The following DHRSX variants were observed in gnomAD, a reference collection of about 807,000 sequenced individuals.
The protein encoded by DHRSX is dehydrogenase/reductase X-linked.
A neutral mutation model predicts 34.0 loss-of-function variants in DHRSX; 31 were observed. The observed-to-expected ratio is 0.91, with a 90% CI of 0.69 to 1.23. The LOEUF is 1.23. Ranked by LOEUF, DHRSX falls within the 50% of genes most tolerant of loss-of-function variation. The probability of loss-of-function intolerance (pLI) is 0.00; values close to 1 mark genes in which losing one functional copy is unlikely to be tolerated. For missense variants in DHRSX, 414 were observed against 428.1 expected (o/e 0.97, Z 0.29); for synonymous variants, 201 against 183.8 (o/e 1.09, Z -0.76).
At chrX:2,452,468 T>A (rs1354970779) in intron 1 of DHRSX, among the ~76,000 whole-genome samples, 10 of 151,904 alleles carry the variant, frequency 6.6e-5, no homozygotes, top group Non-Finnish European at 1.2e-4. Context: ...CTCCGCCATG[T>A]ACACACTGAA....
chrX:2,246,754 G>GAAAGAAAGAAAAA (rs2016306990), intron 5 of DHRSX, among the ~76,000 whole-genome samples: 3 of 136,948 alleles, frequency 2.2e-5, no homozygotes, highest in South Asian at 4.7e-4. Flanking sequence ...GAAAGAAAAA[G>GAAAGAAAGAAAAA]AAAGAAAATA....
chrX:2,331,436 G>GTTTTTT (rs1159991841), intron 3 of DHRSX, among the ~76,000 whole-genome samples: 7,130 of 94,184 alleles, frequency 0.076, 1,052 homozygotes, highest in Non-Finnish European at 0.12. Context: ...AGGTTTTTTG[G>GTTTTTT]TTTTTTTTTT....
intron 1 of DHRSX, among the ~76,000 whole-genome samples, chrX:2,458,727 G>A (rs1456329432): frequency 6.6e-6 from 1 of 152,072 alleles, no homozygotes; most frequent in Non-Finnish European, 1.5e-5. Flanking sequence ...GCCAGGAGCG[G>A]TGGCTCATGT....
intron 4 of DHRSX, among the ~76,000 whole-genome samples, chrX:2,273,972 G>A (rs1318525886): frequency 6.6e-6 from 1 of 152,180 alleles, no homozygotes; most frequent in African/African-American, 2.4e-5. Flanking sequence ...ACGCGCAGGG[G>A]CCCTGGATGC....
At chrX:2,227,356 AG>A (rs1362341013) in intron 6 of DHRSX, among the ~76,000 whole-genome samples, 23 of 150,438 alleles carry the variant, frequency 1.5e-4, no homozygotes, top group African/African-American at 5.7e-4. Context: ...AAAGAAAAAG[AG>A]GAAGAAGAAA....
At chrX:2,346,445 T>C (rs1262923057) in intron 3 of DHRSX, among the ~76,000 whole-genome samples, 2 of 152,114 alleles carry the variant, frequency 1.3e-5, no homozygotes, top group African/African-American at 4.8e-5. Context: ...CACCTGATTT[T>C]CCTGCCCCCA....
intron 3 of DHRSX, among the ~76,000 whole-genome samples, chrX:2,304,729 C>T (rs1486837351): frequency 2.0e-5 from 3 of 151,836 alleles, no homozygotes; most frequent in Non-Finnish European, 4.4e-5. Context: ...CTCTGCTTCC[C>T]GTACAGCCTG....
At chrX:2,223,909 A>G (rs2015576579) in intron 6 of DHRSX, among the ~76,000 whole-genome samples, 1 of 152,134 alleles carries the variant, frequency 6.6e-6, no homozygotes, top group Non-Finnish European at 1.5e-5. Flanking sequence ...TGAATCCAAC[A>G]TGGTGCCCCT....
intron 1 of DHRSX, among the ~76,000 whole-genome samples, chrX:2,496,400 T>C: frequency 6.6e-6 from 1 of 152,208 alleles, no homozygotes; most frequent in East Asian, 1.9e-4. Context: ...GGTTCCACTG[T>C]ATTGCCCAGA....
chrX:2,242,449 G>A (rs1175501847), intron 6 of DHRSX, among the ~76,000 whole-genome samples: 5 of 152,244 alleles, frequency 3.3e-5, no homozygotes, highest in Middle Eastern at 3.4e-3. Context: ...GTGAACCAGC[G>A]TGACTCCATC....
chrX:2,403,700 C>A (rs1011062066), intron 3 of DHRSX, among the ~76,000 whole-genome samples: 7 of 151,740 alleles, frequency 4.6e-5, no homozygotes, highest in African/African-American at 1.7e-4. Flanking sequence ...ACTAAAAATA[C>A]AAAAAATTAG....
At chrX:2,269,118 T>C (rs67156513) in intron 4 of DHRSX, among the ~76,000 whole-genome samples, 39,915 of 152,186 alleles carry the variant, frequency 0.26, 7,015 homozygotes, top group African/African-American at 0.48. Flanking sequence ...TGTATATGTG[T>C]TTGTGTGTAT....
At chrX:2,377,825 G>A (rs1446823090) in intron 3 of DHRSX, among the ~76,000 whole-genome samples, 7 of 150,678 alleles carry the variant, frequency 4.6e-5, no homozygotes, top group Admixed American at 2.7e-4. Context: ...TGCAACCTCC[G>A]CCTCCCGGGT....
chrX:2,464,438 TG>T (rs1199052204), intron 1 of DHRSX, among the ~76,000 whole-genome samples: 1 of 81,778 alleles, frequency 1.2e-5, no homozygotes, highest in Non-Finnish European at 2.6e-5. Flanking sequence ...CCTAAGAATG[TG>T]GGTAAGGGAC....
intron 3 of DHRSX, among the ~76,000 whole-genome samples, chrX:2,308,515 A>C (rs73628293): frequency 0.16 from 24,228 of 152,056 alleles, 4,266 homozygotes; most frequent in African/African-American, 0.44. Context: ...GAAGTCTAAA[A>C]CGTTAATGGA....
intron 3 of DHRSX, among the ~76,000 whole-genome samples, chrX:2,328,604 G>A (rs1296332342): frequency 6.6e-6 from 1 of 151,970 alleles, no homozygotes; most frequent in East Asian, 1.9e-4. Flanking sequence ...ACCCTATGAG[G>A]ACACAGGGAG....
chrX:2,264,278 C>T (rs568191035), intron 5 of DHRSX, among the ~76,000 whole-genome samples: 3 of 149,730 alleles, frequency 2.0e-5, no homozygotes, highest in Admixed American at 1.3e-4. Flanking sequence ...CAGGGAGCAC[C>T]GTGCCCAGAG....
At chrX:2,459,469 T>A (rs1236027827) in intron 1 of DHRSX, among the ~76,000 whole-genome samples, 1 of 150,832 alleles carries the variant, frequency 6.6e-6, no homozygotes, top group Non-Finnish European at 1.5e-5. Context: ...TAGCTTGGTT[T>A]AATCACTGCA....
intron 2 of DHRSX, among the ~76,000 whole-genome samples, chrX:2,420,598 C>T (rs1283287448): frequency 6.6e-6 from 1 of 151,048 alleles, no homozygotes; most frequent in Non-Finnish European, 1.5e-5. Flanking sequence ...CAAAAATTAG[C>T]TGGGTGTGGT....
Sources: gnomAD v4.1 joint callset for allele counts (sites outside exome capture counted in the v4.1 genomes callset) on GRCh38, gnomAD v4.1.1 for gene constraint, MANE v1.5 for transcripts, NCBI Gene and HGNC (gene_info 2026-07-23, HGNC 2026-07-21) for gene names.